ZFYVE9: variants seen among roughly 807,000 people sequenced by gnomAD.
The protein encoded by ZFYVE9 is zinc finger FYVE-type containing 9.
A neutral mutation model predicts 126.7 loss-of-function variants in ZFYVE9; 43 were observed. The ratio of observed to expected loss-of-function variants is 0.34; its 90% confidence interval spans 0.27 to 0.44. The LOEUF (loss-of-function observed/expected upper bound fraction) is 0.44. Among genes scored for constraint, ZFYVE9 ranks in the 20% least tolerant of loss-of-function variants. The probability of loss-of-function intolerance (pLI) is 1.00; values close to 1 mark genes in which losing one functional copy is unlikely to be tolerated. For missense variants in ZFYVE9, 1,476 were observed against 1,697.0 expected (o/e 0.87, Z 2.29); for synonymous variants, 521 against 597.4 (o/e 0.87, Z 1.87).
At chr1:52,197,428 T>C (rs1644870906) in intron 1 of ZFYVE9, among the ~76,000 whole-genome samples, 1 of 152,144 alleles carries the variant, frequency 6.6e-6, no homozygotes, top group African/African-American at 2.4e-5. Flanking sequence ...CTCTTTTAAA[T>C]TGGAATTTCT....
At chr1:52,281,539 A>G in intron 9 of ZFYVE9, 122 bp from the exon 10 acceptor site, 1 of 1,129,312 alleles carries the variant, frequency 8.9e-7, no homozygotes, top group Non-Finnish European at 1.2e-6. Context: ...GTTGAATTAT[A>G]CAGACTCAGT....
intron 10 of ZFYVE9, among the ~76,000 whole-genome samples, chr1:52,285,358 A>G (rs1645847777): frequency 6.6e-6 from 1 of 152,064 alleles, no homozygotes; most frequent in Non-Finnish European, 1.5e-5. Context: ...CAGGCCATGG[A>G]CTGGTATTGG....
chr1:52,271,431 A>G (rs1032649848), intron 7 of ZFYVE9, among the ~76,000 whole-genome samples: 2 of 152,110 alleles, frequency 1.3e-5, no homozygotes, highest in Non-Finnish European at 2.9e-5. Flanking sequence ...TCTTTTTATT[A>G]TTATTATTAT....
At chr1:52,197,060 T>TGGA (rs1644867452) in intron 1 of ZFYVE9, among the ~76,000 whole-genome samples, 1 of 152,090 alleles carries the variant, frequency 6.6e-6, no homozygotes, top group South Asian at 2.1e-4. Flanking sequence ...AACAGCTGAA[T>TGGA]GGAGAATGGA....
chr1:52,319,141 A>G (rs1227218099), intron 13 of ZFYVE9, among the ~76,000 whole-genome samples: 1 of 152,178 alleles, frequency 6.6e-6, no homozygotes, highest in Non-Finnish European at 1.5e-5. Context: ...ATTTGGGATA[A>G]ATTTCTTAAA....
intron 2 of ZFYVE9, among the ~76,000 whole-genome samples, chr1:52,219,803 G>GTGTGTGTGTGTGTGT (rs1557463701): frequency 2.2e-5 from 3 of 137,194 alleles, no homozygotes; most frequent in African/African-American, 5.6e-5. Flanking sequence ...GTGTGTGTGT[G>GTGTGTGTGTGTGTGT]GCAGAGTCTT....
intron 17 of ZFYVE9, among the ~76,000 whole-genome samples, chr1:52,344,222 T>A (rs1215659805): frequency 6.6e-6 from 1 of 152,186 alleles, no homozygotes; most frequent in African/African-American, 2.4e-5. Context: ...CCCGCCTCTA[T>A]AGTGGCAGGG....
At chr1:52,296,069 CA>C (rs1645971410) in intron 12 of ZFYVE9, 92 bp downstream of exon 12, 13 of 1,134,062 alleles carry the variant, frequency 1.1e-5, no homozygotes, top group Non-Finnish European at 1.7e-5. Context: ...TAGCTGTGCC[CA>C]AGCTGCTTAA....
chr1:52,297,242 CTTTTTTT>C (rs767708782), intron 12 of ZFYVE9, among the ~76,000 whole-genome samples: 4 of 134,106 alleles, frequency 3.0e-5, no homozygotes, highest in South Asian at 2.4e-4. Flanking sequence ...AAAAACATTT[CTTTTTTT>C]TTTTTTTTTT....
intron 4 of ZFYVE9, among the ~76,000 whole-genome samples, chr1:52,255,791 G>A (rs560207371): frequency 9.9e-5 from 15 of 151,956 alleles, no homozygotes; most frequent in African/African-American, 3.4e-4. Context: ...TACTTGGGAG[G>A]TCGCAGTGAG....
intron 4 of ZFYVE9, among the ~76,000 whole-genome samples, chr1:52,248,839 C>T (rs1052357049): frequency 5.9e-5 from 9 of 152,114 alleles, no homozygotes; most frequent in African/African-American, 2.2e-4. Flanking sequence ...GATTAAGCAC[C>T]ATATTCTTTT....
intron 1 of ZFYVE9, among the ~76,000 whole-genome samples, chr1:52,146,387 A>G (rs1002249349): frequency 1.3e-5 from 2 of 152,108 alleles, no homozygotes; most frequent in Non-Finnish European, 2.9e-5. Context: ...AAAAACTCTC[A>G]ATTTATTAAA....
intron 13 of ZFYVE9, among the ~76,000 whole-genome samples, chr1:52,315,574 T>C (rs1646176063): frequency 6.6e-6 from 1 of 152,094 alleles, no homozygotes; most frequent in East Asian, 1.9e-4. Context: ...TACTTAAAAG[T>C]TTATTGATAA....
At chr1:52,311,910 C>T (rs976341751) in intron 13 of ZFYVE9, among the ~76,000 whole-genome samples, 3 of 152,054 alleles carry the variant, frequency 2.0e-5, no homozygotes, top group Non-Finnish European at 2.9e-5. Flanking sequence ...CCTGCCTCAG[C>T]CTCCTGAGTA....
intron 4 of ZFYVE9, among the ~76,000 whole-genome samples, chr1:52,247,123 C>G (rs1441747957): frequency 6.6e-6 from 1 of 152,166 alleles, no homozygotes; most frequent in African/African-American, 2.4e-5. Flanking sequence ...AGCCACTGCT[C>G]CTGGCTGCCT....
intron 1 of ZFYVE9, among the ~76,000 whole-genome samples, chr1:52,175,947 T>C (rs142865842): frequency 1.4e-3 from 209 of 152,354 alleles, no homozygotes; most frequent in African/African-American, 4.6e-3. Context: ...TTGAATTTCC[T>C]CCTGTAGCTT....
chr1:52,255,960 TTTC>T lies in ZFYVE9; in HGVS notation c.2179-7810_2179-7808del, dbSNP rs1464900435. Among the ~76,000 whole-genome samples the T allele has an allele frequency of 1.1e-4, 10 of 88,242 alleles. 1 individual carries two copies. In the South Asian group the frequency reaches 1.3e-3, roughly 11 times the overall value. 57.9% of individuals were successfully genotyped at this position (88,242 alleles called of 152,430 possible). On this transcript the variant is annotated intron_variant, in intron 4 of 18. Coordinates refer to ENST00000287727, the MANE Select transcript of ZFYVE9 (RefSeq NM_004799.4). ...TTTCTTTTCTTTTCTTTTCTTTTCT[TTTC>T]TTTTCTTTCTTTCTTTCTTTCCTTC...
chr1:52,185,419 A>G (rs986094569), intron 1 of ZFYVE9, among the ~76,000 whole-genome samples: 3 of 152,216 alleles, frequency 2.0e-5, no homozygotes, highest in South Asian at 2.1e-4. Flanking sequence ...TTTTAATGAA[A>G]TTAAAAATGA....
chr1:52,148,109 A>G (rs1368794354), intron 1 of ZFYVE9, among the ~76,000 whole-genome samples: 1 of 151,798 alleles, frequency 6.6e-6, no homozygotes, highest in Non-Finnish European at 1.5e-5. Context: ...GTCATTAGGT[A>G]AATTGTTGAA....
Sources: gnomAD v4.1 joint callset for allele counts (sites outside exome capture counted in the v4.1 genomes callset) on GRCh38, gnomAD v4.1.1 for gene constraint, MANE v1.5 for transcripts, NCBI Gene and HGNC (gene_info 2026-07-23, HGNC 2026-07-21) for gene names.